Variants in SOX6 observed in about 807,000 individuals in gnomAD.
SOX6 encodes the protein SRY-box transcription factor 6, also known as transcription factor SOX-6.
SOX6 carries 11 observed loss-of-function variants against 97.8 expected under a neutral mutation model. The ratio of observed to expected loss-of-function variants is 0.11; its 90% CI spans 0.07 to 0.19. The LOEUF (loss-of-function observed/expected upper bound fraction) is 0.19, where lower values mean the gene tolerates loss of function less well. Ranked by LOEUF, SOX6 falls within the 10% of genes least tolerant of loss-of-function variation. SOX6 has a pLI of 1.00. For synonymous variants in SOX6, 360 were observed against 371.4 expected (o/e 0.97, Z 0.35); for missense variants, 810 against 1,039.5 (o/e 0.78, Z 3.04).
chr11:16,684,594 T>A (rs1340584627), intron 3 of SOX6, among the ~76,000 whole-genome samples: 4 of 62,240 alleles, frequency 6.4e-5, no homozygotes, highest in African/African-American at 2.4e-4. Context: ...GGTGGGGGGC[T>A]GGGGGAGGGA....
intron 1 of SOX6, among the ~76,000 whole-genome samples, chr11:16,452,776 G>T (rs1859742792): frequency 6.6e-6 from 1 of 152,116 alleles, no homozygotes; most frequent in Admixed American, 6.5e-5. Context: ...ATAAATAACT[G>T]TTAGCTCAGT....
chr11:16,653,082 C>T (rs1215548502), intron 3 of SOX6, among the ~76,000 whole-genome samples: 1 of 152,082 alleles, frequency 6.6e-6, no homozygotes, highest in Non-Finnish European at 1.5e-5. Flanking sequence ...CTTACTCCTG[C>T]AAGAATGACC....
In SOX6 at chr11:16,610,761, C is replaced by G. The variant is rs1046118018; in HGVS notation, n.609+1320G>C. On this transcript the variant is annotated intron_variant and non_coding_transcript_variant, in intron 4 of 5. Coordinates refer to the SOX6 transcript ENST00000524520. This position sits in a 1 kb window ranked among gnomAD's most constrained non-coding sequence, Gnocchi z 4.4. ...TGCCATCTAAGGGTTTCCTCTAAAG[C>G]CTCGGGCGCTGGCTATACCAATGAA... 1.2e-4 allele frequency among the ~76,000 whole-genome samples: 18 copies of G among 152,290 alleles called. No individual in the cohort carries two copies. Among genetic ancestry groups the G allele is most frequent in the African/African-American group, 4.1e-4 (17 of 41,562 alleles).
intron 7 of SOX6, among the ~76,000 whole-genome samples, chr11:16,104,540 A>G (rs1239363097): frequency 6.6e-6 from 1 of 151,870 alleles, no homozygotes; most frequent in East Asian, 1.9e-4. Context: ...AGATGATACC[A>G]TTTATTACCA....
At chr11:16,608,480 T>G (rs1251222551) in intron 4 of SOX6, among the ~76,000 whole-genome samples, 5 of 148,154 alleles carry the variant, frequency 3.4e-5, no homozygotes, top group African/African-American at 1.3e-4. Context: ...AAAAAAGAAG[T>G]AGTCAAAAGA....
chr11:16,521,879 G>C (rs1000451740), intron 4 of SOX6, among the ~76,000 whole-genome samples: 1 of 152,194 alleles, frequency 6.6e-6, no homozygotes, highest in African/African-American at 2.4e-5. Flanking sequence ...AAGGGTATCA[G>C]TGATGGAAGA....
intron 2 of SOX6, among the ~76,000 whole-genome samples, chr11:16,724,952 A>G (rs1022347726): frequency 1.8e-4 from 28 of 152,218 alleles, no homozygotes; most frequent in African/African-American, 6.5e-4. Context: ...AAACAGTCTG[A>G]CAGTTCCTCA....
intron 10 of SOX6, 145 bp downstream of exon 10, chr11:16,055,607 T>G (rs1847794739): frequency 1.1e-6 from 1 of 924,528 alleles, no homozygotes; most frequent in African/African-American, 1.6e-5. Context: ...TGCTCAATTA[T>G]GAAATTTACC....
At chr11:16,474,705 C>T (rs1590216914) in intron 1 of SOX6, among the ~76,000 whole-genome samples, 2 of 152,228 alleles carry the variant, frequency 1.3e-5, no homozygotes, top group South Asian at 2.1e-4. Flanking sequence ...AGAGTTAATT[C>T]CTAAAGGCCC....
chr11:16,595,284 G>T (rs1589999612), intron 4 of SOX6, among the ~76,000 whole-genome samples: 1 of 151,924 alleles, frequency 6.6e-6, no homozygotes, highest in South Asian at 2.1e-4. Context: ...CACGGCCATA[G>T]CTTCTCTAGC....
intron 9 of SOX6, among the ~76,000 whole-genome samples, chr11:16,084,118 G>C (rs966444556): frequency 6.6e-6 from 1 of 152,054 alleles, no homozygotes; most frequent in African/African-American, 2.4e-5. Context: ...TTGAAACCAG[G>C]AACAGTCATC....
At chr11:16,120,421 T>C (rs1399792764) in intron 6 of SOX6, among the ~76,000 whole-genome samples, 1 of 151,886 alleles carries the variant, frequency 6.6e-6, no homozygotes, top group African/African-American at 2.4e-5. Flanking sequence ...TTCAAAATTC[T>C]CATTAAAGGG....
chr11:16,243,560 A>T (rs1009979074), intron 3 of SOX6, among the ~76,000 whole-genome samples: 1 of 151,930 alleles, frequency 6.6e-6, no homozygotes, highest in Non-Finnish European at 1.5e-5. Context: ...CGCCCATTTA[A>T]AATATAAATT....
chr11:16,578,320 A>G (rs1848002162), intron 4 of SOX6, among the ~76,000 whole-genome samples: 1 of 152,224 alleles, frequency 6.6e-6, no homozygotes. Flanking sequence ...CAGAATCACT[A>G]TATTAATCAT....
chr11:16,724,522 C>G (rs1190771025), intron 2 of SOX6, among the ~76,000 whole-genome samples: 1 of 151,828 alleles, frequency 6.6e-6, no homozygotes, highest in Admixed American at 6.6e-5. Flanking sequence ...GGTCCTCAGA[C>G]CAGCAGCAGC....
chr11:16,434,252 A>C (rs1242623760), intron 1 of SOX6: 3 of 152,036 alleles, frequency 2.0e-5, no homozygotes, highest in Non-Finnish European at 4.4e-5. Context: ...ATAAACGAAC[A>C]TATGCCATGA....
chr11:16,587,196 A>G (rs1271295943), intron 4 of SOX6, among the ~76,000 whole-genome samples: 2 of 152,208 alleles, frequency 1.3e-5, no homozygotes, highest in African/African-American at 4.8e-5. Context: ...AGCTGCATTT[A>G]TATGGCAGAA....
intron 3 of SOX6, among the ~76,000 whole-genome samples, chr11:16,615,400 G>A (rs1848459398): frequency 6.6e-6 from 1 of 152,052 alleles, no homozygotes; most frequent in Non-Finnish European, 1.5e-5. Flanking sequence ...TACACATGAA[G>A]TTTAACATAA....
intron 4 of SOX6, among the ~76,000 whole-genome samples, chr11:16,560,735 A>G (rs762247317): frequency 6.6e-6 from 1 of 152,162 alleles, no homozygotes; most frequent in Non-Finnish European, 1.5e-5. Context: ...TGTAAACTCA[A>G]TCTGAGGAAA....
Sources: allele counts gnomAD v4.1 joint callset (sites outside exome capture counted in the v4.1 genomes callset), GRCh38; gene constraint gnomAD v4.1.1; non-coding constraint Gnocchi (gnomAD v3.1); transcripts MANE v1.5; gene names NCBI Gene and HGNC (gene_info 2026-07-23, HGNC 2026-07-21).